The following ODAD2 variants were observed in gnomAD, a reference collection of about 807,000 sequenced individuals.
ODAD2 encodes the protein outer dynein arm docking complex subunit 2.
ODAD2 carries 89 observed loss-of-function variants against 106.8 expected under a neutral mutation model. The observed-to-expected ratio is 0.83, with a 90% CI of 0.70 to 0.99. The LOEUF is 0.99. ODAD2 is among the 50% of genes least tolerant of loss of function. The probability of loss-of-function intolerance (pLI) is 0.00; values close to 1 mark genes in which losing one functional copy is unlikely to be tolerated. For missense variants in ODAD2, 1,168 were observed against 1,238.5 expected, an observed-to-expected ratio of 0.94 and a Z score of 0.85; for synonymous variants, 404 against 436.2, an observed-to-expected ratio of 0.93 and a Z score of 0.92.
chr10:27,983,748 T>A, intron 6 of ODAD2, 95 bp downstream of exon 6: 1 of 1,203,382 alleles, frequency 8.3e-7, no homozygotes, highest in Non-Finnish European at 1.2e-6. Flanking sequence ...GAATGGTAAT[T>A]CATTCTCTGT....
At chr10:27,939,859 G>T in intron 14 of ODAD2, 38 bp downstream of exon 14, 1 of 1,361,894 alleles carries the variant, frequency 7.3e-7, no homozygotes, top group Non-Finnish European at 1.0e-6. Flanking sequence ...AACTATGTGA[G>T]AAAGAACGCC....
chr10:27,907,645 C>T lies in ODAD2; in HGVS notation c.2610+18G>A. 5 of 1,564,416 alleles carry T rather than the reference C, an allele frequency of 3.2e-6. No homozygotes were observed. Among genetic ancestry groups the T allele is most frequent in the Non-Finnish European group, 4.4e-6 (5 of 1,135,164 alleles). On this transcript the variant is annotated intron_variant, in intron 17 of 19. Coordinates refer to ENST00000305242, the MANE Select transcript of ODAD2 (RefSeq NM_018076.5). ...TATTAGAGATTCTAGAAGAGACTGA[C>T]TTGCAGTCCGTTCTTACCTTTGCAT...
intron 19 of ODAD2, among the ~76,000 whole-genome samples, chr10:27,821,960 C>A (rs1836649394): frequency 6.6e-6 from 1 of 152,190 alleles, no homozygotes; most frequent in African/African-American, 2.4e-5. Flanking sequence ...AGCCCCCACG[C>A]TTTTGAAAAC....
intron 16 of ODAD2, among the ~76,000 whole-genome samples, chr10:27,924,612 A>AG (rs1156991608): frequency 3.8e-5 from 4 of 104,340 alleles, no homozygotes; most frequent in African/African-American, 1.4e-4. Context: ...ATTGATTAGG[A>AG]GGAAAAAAAA....
At chr10:27,864,794 A>C (rs1468049275) in intron 17 of ODAD2, among the ~76,000 whole-genome samples, 1 of 152,144 alleles carries the variant, frequency 6.6e-6, no homozygotes, top group African/African-American at 2.4e-5. Flanking sequence ...TTCTCAAATA[A>C]TAATAATTCA....
chr10:27,886,549 G>GT (rs1842232380), intron 17 of ODAD2, among the ~76,000 whole-genome samples: 3 of 151,978 alleles, frequency 2.0e-5, no homozygotes, highest in Admixed American at 2.0e-4. Context: ...ATTCTACACA[G>GT]TAACTTGAAG....
At chr10:27,974,481 G>A (rs553407561) in intron 7 of ODAD2, among the ~76,000 whole-genome samples, 4 of 152,276 alleles carry the variant, frequency 2.6e-5, no homozygotes, top group African/African-American at 7.2e-5. Flanking sequence ...TTATCGAATA[G>A]GGAGTCTTTT....
At chr10:27,963,254 G>A (rs533674152) in intron 9 of ODAD2, among the ~76,000 whole-genome samples, 5 of 152,006 alleles carry the variant, frequency 3.3e-5, no homozygotes, top group African/African-American at 9.6e-5. Context: ...TGATCCTCCC[G>A]TCTCGGCCTC....
chr10:27,844,615 A>G (rs528306704), intron 19 of ODAD2, among the ~76,000 whole-genome samples: 14 of 152,210 alleles, frequency 9.2e-5, no homozygotes, highest in Non-Finnish European at 1.9e-4. Flanking sequence ...ATGAAACTCA[A>G]TTTCTTTATC....
chr10:27,925,288 T>C (rs1289865007), intron 16 of ODAD2, among the ~76,000 whole-genome samples: 3 of 152,156 alleles, frequency 2.0e-5, no homozygotes, highest in African/African-American at 7.2e-5. Context: ...ATGAAACATA[T>C]AGAGCACAGT....
chr10:27,819,786 A>G (rs1836455086), intron 19 of ODAD2, among the ~76,000 whole-genome samples: 1 of 151,412 alleles, frequency 6.6e-6, no homozygotes, highest in Non-Finnish European at 1.5e-5. Flanking sequence ...TTTTCTAGGA[A>G]GGAGTGATCA....
upstream of ODAD2, among the ~76,000 whole-genome samples, chr10:27,999,601 C>A (rs2133263346): frequency 6.6e-6 from 1 of 151,874 alleles, no homozygotes; most frequent in South Asian, 2.1e-4. Flanking sequence ...GTTTTGACCC[C>A]ACCTCTAGAC....
chr10:27,935,101 G>C lies in ODAD2; in HGVS notation c.2404C>G (p.Leu802Val). The change falls in exon 16 of 20, where the codon CTT (leucine) becomes GTT (valine). Residue 802 changes from leucine (L) to valine (V), a missense_variant. Leu to Val is a conservative substitution (Grantham distance 32). Coordinates refer to ENST00000305242, the MANE Select transcript of ODAD2 (RefSeq NM_018076.5). ...IVRKCGGIQP[L>V]VNLLVGINQA... ...TTTATTCCAACAAGGAGGTTCACAA[G>C]TGGTTGAATGCCACCACATTTCCGG... 6.2e-7 allele frequency: 1 copy of C among 1,613,984 alleles called. No individual in the cohort carries two copies.
chr10:27,909,182 G>A (rs1274217003), intron 16 of ODAD2, among the ~76,000 whole-genome samples: 1 of 152,000 alleles, frequency 6.6e-6, no homozygotes, highest in African/African-American at 2.4e-5. Context: ...ATGAACAACA[G>A]TGAATAATGG....
At chr10:27,977,458 T>C (rs1849265718) in intron 7 of ODAD2, among the ~76,000 whole-genome samples, 1 of 151,120 alleles carries the variant, frequency 6.6e-6, no homozygotes, top group African/African-American at 2.4e-5. Context: ...TCCCAGCTAC[T>C]TGGGAAGCTG....
At chr10:27,862,320 C>T in intron 18 of ODAD2, 114 bp downstream of exon 18, 1 of 692,444 alleles carries the variant, frequency 1.4e-6, no homozygotes, top group Admixed American at 3.1e-5. Flanking sequence ...ACCTCATAAG[C>T]AATGGGTATT....
intron 2 of ODAD2, 89 bp from the exon 3 acceptor site, chr10:27,987,632 A>C (rs1049526428): frequency 1.2e-6 from 1 of 818,446 alleles, no homozygotes; most frequent in Non-Finnish European, 1.8e-6. Context: ...GATTATTCCT[A>C]TATCTCATTA....
At chr10:27,912,939 AG>A (rs2133898346) in intron 16 of ODAD2, among the ~76,000 whole-genome samples, 1 of 152,292 alleles carries the variant, frequency 6.6e-6, no homozygotes, top group South Asian at 2.1e-4. Context: ...TATTCCAAAG[AG>A]GCTATGGGAC....
intron 9 of ODAD2, among the ~76,000 whole-genome samples, chr10:27,963,897 G>A (rs556800427): frequency 5.7e-4 from 86 of 152,150 alleles, no homozygotes; most frequent in Non-Finnish European, 1.1e-3. Flanking sequence ...CTATGAGGTT[G>A]TCATTACTCT....
Sources: gnomAD v4.1 joint callset for allele counts (sites outside exome capture counted in the v4.1 genomes callset) on GRCh38, gnomAD v4.1.1 for gene constraint, MANE v1.5 for transcripts, NCBI Gene and HGNC (gene_info 2026-07-23, HGNC 2026-07-21) for gene names.